The following SH3D21 variants were observed in gnomAD, a reference collection of about 807,000 sequenced individuals.
SH3D21 encodes SH3 domain-containing protein 21.
A neutral mutation model predicts 82.1 loss-of-function variants in SH3D21; 83 were observed. The ratio of observed to expected loss-of-function variants is 1.01; its 90% CI spans 0.85 to 1.21. The LOEUF is 1.21. Among genes scored for constraint, SH3D21 ranks in the 50% most tolerant of loss-of-function variants. SH3D21 has a pLI of 0.00. For missense variants in SH3D21, 980 were observed against 962.1 expected, an observed-to-expected ratio of 1.02 and a Z score of -0.25; for synonymous variants, 383 against 387.8, an observed-to-expected ratio of 0.99 and a Z score of 0.15.
At chr1:36,308,288 C>T (rs1646171820) in intron 8 of SH3D21, 79 bp downstream of exon 8, 2 of 1,476,708 alleles carry the variant, frequency 1.4e-6, no homozygotes, top group Non-Finnish European at 1.8e-6. Flanking sequence ...CCCCCTGAAT[C>T]TAAAATAAAC....
At chr1:36,308,825 A>G (rs1285372927) in intron 9 of SH3D21, among the ~76,000 whole-genome samples, 1 of 152,140 alleles carries the variant, frequency 6.6e-6, no homozygotes, top group Non-Finnish European at 1.5e-5. Flanking sequence ...TTTACTAAAA[A>G]TACAAAAATT....
Position 36,320,589 on chromosome 1 carries a change from A to G in SH3D21, c.1926A>G (p.Pro642=). Residue 642 remains proline, a synonymous_variant, in exon 14 of 16, where the codon CCA becomes CCG. Transcript: ENST00000453908. ...TGCCCCCTAAAGAGGAAGTGGCTCC[A>G]AAAGAGGAGGTGCCCCCCATAGAAA... The part of the protein sequence containing the change: ...EELPPKEEVA[P]KEEVPPIERA... The G allele has an allele frequency of 6.2e-7, 1 of 1,614,172 alleles. No individual in the cohort carries two copies. Among genetic ancestry groups the G allele is most frequent in the Non-Finnish European group, 8.5e-7 (1 of 1,180,022 alleles).
intron 10 of SH3D21, among the ~76,000 whole-genome samples, chr1:36,311,430 T>C (rs1006650301): frequency 1.1e-4 from 16 of 151,236 alleles, no homozygotes; most frequent in Admixed American, 4.0e-4. Context: ...TTAGTAGAGA[T>C]GGGGTTTCAC....
Position 36,321,300 on chromosome 1 carries a change from G to A in SH3D21, c.*173G>A. On this transcript the variant is annotated 3_prime_UTR_variant, in exon 16 of 16. Coordinates refer to ENST00000453908, the MANE Select transcript of SH3D21 (RefSeq NM_001162530.2). The surrounding 1 kb of genome is among the most constrained non-coding windows in gnomAD (Gnocchi z 6.1). ...GGGCCTGGGCCTCCGCATTCCTGAC[G>A]GTCCCTCCCAGGCACATCTGGCCAA... 1 of 1,441,016 alleles carries A rather than the reference G, an allele frequency of 6.9e-7. No individual in the cohort carries two copies. The highest frequency in any genetic ancestry group is 9.1e-7 in the Non-Finnish European group (1 of 1,103,128). The allele number at this position is 1,441,016 out of a possible 1,614,324, so 89.3% of individuals were successfully genotyped here.
In SH3D21 at chr1:36,307,397, C is replaced by T. The variant is rs2124670010; in HGVS notation, c.345+112C>T. 1 of 1,503,824 alleles carries T rather than the reference C, an allele frequency of 6.6e-7. No individual in the cohort carries two copies. The highest frequency in any genetic ancestry group is 1.4e-5 in the African/African-American group (1 of 72,160). 93.2% of individuals were successfully genotyped at this position (1,503,824 alleles called of 1,614,324 possible). On this transcript the variant is annotated intron_variant, in intron 4 of 15. Coordinates refer to ENST00000453908, the MANE Select transcript of SH3D21 (RefSeq NM_001162530.2). This position sits in a 1 kb window ranked among gnomAD's most constrained non-coding sequence, Gnocchi z 5.4. ...GGTGGGAATGGCGACGGTGCAGATA[C>T]GGGGAAGCGCGGGAGGGAAGGAGGG...
downstream of SH3D21, chr1:36,322,252 A>G: frequency 2.1e-6 from 3 of 1,449,542 alleles, no homozygotes; most frequent in Non-Finnish European, 2.7e-6. Context: ...GCTCATGTGC[A>G]GGTCCGGTAC....
In SH3D21 at chr1:36,306,971, TC is replaced by T; in HGVS notation, c.226+68del. The stretch of plus-strand genomic sequence containing the variant: ...ACGGAGCCAGTGCGACCCCGGCGTC[TC>T]CGGCTCTTAGTGACGGGCGCGGCTC... On this transcript the variant is annotated intron_variant, in intron 3 of 15. Transcript: ENST00000453908. This position sits in a 1 kb window ranked among gnomAD's most constrained non-coding sequence, Gnocchi z 4.5. The T allele has an allele frequency of 7.3e-7, 1 of 1,361,410 alleles. No homozygotes were observed. Among genetic ancestry groups the T allele is most frequent in the Non-Finnish European group, 9.5e-7 (1 of 1,049,720 alleles). 84.3% of individuals were successfully genotyped at this position (1,361,410 alleles called of 1,614,324 possible).
At chr1:36,327,664 T>C, downstream of SH3D21, 1 of 1,194,066 alleles carries the variant, frequency 8.4e-7, no homozygotes, top group South Asian at 1.5e-5. Flanking sequence ...GAGATGATGG[T>C]TGCTGGTTGC....
chr1:36,325,129 T>C (rs2124709905), downstream of SH3D21, among the ~76,000 whole-genome samples: 1 of 152,180 alleles, frequency 6.6e-6, no homozygotes, highest in South Asian at 2.1e-4. Context: ...CTTTACCTCC[T>C]GGGCTCAAGT....
In SH3D21 at chr1:36,320,645, A is replaced by G; in HGVS notation, c.1982A>G (p.Lys661Arg). 6.2e-7 allele frequency: 1 copy of G among 1,614,270 alleles called. No homozygotes were observed. Among genetic ancestry groups the G allele is most frequent in the African/African-American group, 1.3e-5 (1 of 75,072 alleles). ...RAFAQKTRPI[K>R]PPPDSQETLA... is the part of the protein sequence containing the mutation. ...TTTGCCCAAAAAACACGTCCTATCA[A>G]GCCGCCTCCAGACTCCCAAGAGACG... The change falls in exon 14 of 16, where the codon AAG becomes AGG. Residue 661 changes from lysine to arginine, a missense_variant. Physicochemically the swap from Lys to Arg is conservative, Grantham distance 26 (BLOSUM62 2). Coordinates refer to ENST00000453908, the MANE Select transcript of SH3D21 (RefSeq NM_001162530.2).
At chr1:36,322,627 G>C, downstream of SH3D21, 1 of 1,545,720 alleles carries the variant, frequency 6.5e-7, no homozygotes, top group East Asian at 2.4e-5. Flanking sequence ...GGCCGCGGGC[G>C]GGGCGCCCAC....
At chr1:36,325,179 C>T (rs1646529323), downstream of SH3D21, among the ~76,000 whole-genome samples, 1 of 151,844 alleles carries the variant, frequency 6.6e-6, no homozygotes. Flanking sequence ...TGGGAGGGAC[C>T]ACAGGCGTGC....
intron 13 of SH3D21, 22 bp downstream of exon 13, chr1:36,319,558 A>C (rs1394284732): frequency 6.4e-7 from 1 of 1,551,466 alleles, no homozygotes; most frequent in Non-Finnish European, 8.7e-7. Context: ...GAGACATGGG[A>C]GAGTGGGGAT....
intron 10 of SH3D21, among the ~76,000 whole-genome samples, chr1:36,316,885 C>G (rs1646354691): frequency 6.6e-6 from 1 of 151,956 alleles, no homozygotes; most frequent in Admixed American, 6.6e-5. Context: ...TGCCTCAGCC[C>G]CCCACGTAGC....
At chr1:36,313,217 G>A (rs990107561) in intron 10 of SH3D21, among the ~76,000 whole-genome samples, 7 of 152,112 alleles carry the variant, frequency 4.6e-5, no homozygotes, top group African/African-American at 1.2e-4. Flanking sequence ...CCAGCTACTC[G>A]GGAAGCTGAG....
intron 9 of SH3D21, among the ~76,000 whole-genome samples, chr1:36,308,957 G>GA (rs879529577): frequency 0.014 from 1,745 of 122,666 alleles, 32 homozygotes; most frequent in African/African-American, 0.045. Flanking sequence ...ATCTCAAAAA[G>GA]AAAAAAAAAA....
intron 10 of SH3D21, among the ~76,000 whole-genome samples, chr1:36,318,333 TGA>T (rs1461584627): frequency 6.6e-6 from 1 of 152,042 alleles, no homozygotes; most frequent in Non-Finnish European, 1.5e-5. Context: ...GTGTAAATAT[TGA>T]GAGGGAAGTC....
rs1382438939 is a variant in SH3D21 at position 36,320,819 on chromosome 1, G to C, written c.2135+21G>C. On this transcript the variant is annotated intron_variant, in intron 14 of 15. Transcript: ENST00000453908. The stretch of plus-strand genomic sequence containing the variant: ...CTGGAGTGAGTGGGCAGTGGCGGGG[G>C]TTGTGGAAGGTAGGGTTCCCCCTAG... The C allele has an allele frequency of 1.9e-6, 3 of 1,551,910 alleles. No homozygotes were observed. In the East Asian group the frequency reaches 7.3e-5, roughly 38 times the overall value.
chr1:36,321,659 C>T (rs1041417172), downstream of SH3D21: 5 of 1,014,250 alleles, frequency 4.9e-6, no homozygotes, highest in Non-Finnish European at 5.9e-6. This position sits in a 1 kb window ranked among gnomAD's most constrained non-coding sequence, Gnocchi z 6.1. Context: ...CATGCTTACA[C>T]CGGGGCTAGC....
Sources: allele counts gnomAD v4.1 joint callset (sites outside exome capture counted in the v4.1 genomes callset), GRCh38; gene constraint gnomAD v4.1.1; non-coding constraint Gnocchi (gnomAD v3.1); transcripts MANE v1.5; gene names NCBI Gene and HGNC (gene_info 2026-07-23, HGNC 2026-07-21).